The following DNAH3 variants were observed in gnomAD, a reference collection of about 807,000 sequenced individuals.
DNAH3 encodes dynein axonemal heavy chain 3.
A neutral mutation model predicts 432.5 loss-of-function variants in DNAH3; 332 were observed. That is an observed-to-expected ratio of 0.77 (90% CI 0.70 to 0.84). The LOEUF (loss-of-function observed/expected upper bound fraction) is 0.84. DNAH3 is among the 40% of genes least tolerant of loss of function. The pLI, the probability that DNAH3 is intolerant of heterozygous loss-of-function variation, is 0.00. For missense variants in DNAH3, 4,861 were observed against 5,114.0 expected (o/e 0.95, Z 1.51); for synonymous variants, 1,956 against 1,900.2 (o/e 1.03, Z -0.76).
At chr16:20,970,841 G>C (rs2085305659) in intron 51 of DNAH3, among the ~76,000 whole-genome samples, 1 of 150,058 alleles carries the variant, frequency 6.7e-6, no homozygotes, top group East Asian at 2.0e-4. Context: ...TCCCAGTATG[G>C]ATTTCTTTTC....
In DNAH3 at chr16:20,974,609, CAG is replaced by C. The variant is rs1413468559; in HGVS notation, c.8259+622_8259+623del. 5.6e-5 allele frequency among the ~76,000 whole-genome samples: 5 copies of C among 88,702 alleles called. No homozygotes were observed. The East Asian group carries it at 2.2e-3, about 38-fold the overall frequency. The allele number at this position is 88,702 out of a possible 152,430, so 58.2% of individuals were successfully genotyped here. A position where few individuals can be genotyped will look rare whatever the true frequency, so the allele number is the denominator to read the frequency against. ...TTTTTTTTTTTTTTTTTTGTAGAGACAGAATCTTGCTACGTTTCCCAGGCTGG... is the reference window on the plus strand; with the variant it reads ...TTTTTTTTTTTTTTTTTTGTAGAGACAATCTTGCTACGTTTCCCAGGCTGG... On this transcript the variant is annotated intron_variant, in intron 51 of 61. Coordinates refer to ENST00000261383, the Ensembl canonical transcript of DNAH3.
chr16:21,159,456 T>C (rs760883609), upstream of DNAH3: 104 of 1,611,320 alleles, frequency 6.5e-5, no homozygotes, highest in Non-Finnish European at 8.3e-5. Context: ...CAACCAGAGA[T>C]GTGACCCCTC....
intron 23 of DNAH3, among the ~76,000 whole-genome samples, chr16:21,067,776 G>GGAGGGAGAGGGAGAGAGAGAGAGA (rs374291201): frequency 2.4e-5 from 1 of 40,896 alleles, no homozygotes; most frequent in Non-Finnish European, 4.2e-5. Context: ...GGGTGGGGAG[G>GGAGGGAGAGGGAGAGAGAGAGAGA]GAGAGAGAGA....
intron 50 of DNAH3, among the ~76,000 whole-genome samples, chr16:20,975,770 A>T (rs951679932): frequency 3.9e-5 from 6 of 152,096 alleles, no homozygotes; most frequent in African/African-American, 1.4e-4. Flanking sequence ...TTTTTGACAG[A>T]GTCTCACTCT....
chr16:21,001,889 G>C (rs961991109), intron 42 of DNAH3, among the ~76,000 whole-genome samples: 1 of 152,104 alleles, frequency 6.6e-6, no homozygotes, highest in Non-Finnish European at 1.5e-5. Flanking sequence ...TTTGACAAGG[G>C]AAAAATCTCC....
At chr16:21,157,691 G>T (rs186642679) in intron 1 of DNAH3, among the ~76,000 whole-genome samples, 1 of 152,278 alleles carries the variant, frequency 6.6e-6, no homozygotes, top group East Asian at 1.9e-4. Context: ...AAGAGGAGAG[G>T]TCGGTCAACA....
At chr16:21,148,132 G>A (rs1472887935) in intron 1 of DNAH3, among the ~76,000 whole-genome samples, 1 of 152,138 alleles carries the variant, frequency 6.6e-6, no homozygotes, top group Non-Finnish European at 1.5e-5. Flanking sequence ...GGATGGGGCA[G>A]GGGGCATATG....
chr16:21,074,810 T>C (rs1469877284), intron 21 of DNAH3, among the ~76,000 whole-genome samples: 1 of 152,094 alleles, frequency 6.6e-6, no homozygotes, highest in Non-Finnish European at 1.5e-5. Context: ...GCAACCCTCA[T>C]CCCTACCTCA....
At chr16:21,048,673 G>C (rs1480630906) in intron 31 of DNAH3, among the ~76,000 whole-genome samples, 1 of 151,520 alleles carries the variant, frequency 6.6e-6, no homozygotes, top group African/African-American at 2.4e-5. Flanking sequence ...GACCGGAGCT[G>C]TTCCTATTCG....
At chr16:20,985,838 A>C in intron 47 of DNAH3, 123 bp from the exon 48 acceptor site, 1 of 965,496 alleles carries the variant, frequency 1.0e-6, no homozygotes, top group Non-Finnish European at 1.6e-6. Context: ...CTTCAAGGTC[A>C]TGGGTCATCA....
intron 43 of DNAH3, among the ~76,000 whole-genome samples, chr16:20,998,224 C>A (rs2086848471): frequency 6.6e-6 from 1 of 152,062 alleles, no homozygotes; most frequent in South Asian, 2.1e-4. Flanking sequence ...GATGATGAGA[C>A]CCTAGGCCTT....
intron 31 of DNAH3, among the ~76,000 whole-genome samples, chr16:21,045,944 T>C (rs1275362785): frequency 2.0e-5 from 3 of 149,752 alleles, no homozygotes; most frequent in Non-Finnish European, 3.0e-5. Flanking sequence ...CCAGTAGTCA[T>C]TCAGGAGCAG....
chr16:21,002,439 GTGT>G lies in DNAH3; in HGVS notation c.6126+662_6126+664del, dbSNP rs1197835817. 4.3e-3 allele frequency among the ~76,000 whole-genome samples: 473 copies of G among 109,510 alleles called. 2 individuals are homozygous for G. The highest frequency in any genetic ancestry group is 0.017 in the African/African-American group (450 of 26,440). The allele number at this position is 109,510 out of a possible 152,430, so 71.8% of individuals were successfully genotyped here. ...TGAGAAGCACACTGATGACTATCTG[GTGT>G]TGTTATTATTATTATTATTATTATT... On this transcript the variant is annotated intron_variant, in intron 42 of 61. Coordinates refer to ENST00000261383, the Ensembl canonical transcript of DNAH3.
In DNAH3 at chr16:21,047,711, G is replaced by T. The variant is rs529935048; in HGVS notation, c.4461+1858C>A. 5.9e-5 allele frequency among the ~76,000 whole-genome samples: 9 copies of T among 152,220 alleles called. No homozygotes were observed. The South Asian group carries it at 1.7e-3, about 28-fold the overall frequency. On this transcript the variant is annotated intron_variant, in intron 31 of 61. Transcript: ENST00000261383. Reference sequence around the variant, plus strand: ...ATTCTCCATCCAGCTTTGTTCCGTTGCTGGTGAGGAACTGCGTTCCTTTGG... The same window carrying T: ...ATTCTCCATCCAGCTTTGTTCCGTTTCTGGTGAGGAACTGCGTTCCTTTGG...
rs146978324 is a variant in DNAH3 at position 21,145,202 on chromosome 16, C to T, written c.427G>A (p.Gly143Ser). Reference sequence around the variant, plus strand: ...GTACCTGATGATGGCAGCCCCTGACCGGTCCTGTCCCTAGGGACACTGATG... The same window carrying T: ...GTACCTGATGATGGCAGCCCCTGACTGGTCCTGTCCCTAGGGACACTGATG... The change falls in exon 3 of 62, where the codon GGT (glycine) becomes AGT (serine). Residue 143 changes from glycine (G) to serine (S), a missense_variant. By Grantham distance (56) the Gly-to-Ser change is moderately conservative (BLOSUM62 0). Coordinates refer to ENST00000261383, the Ensembl canonical transcript of DNAH3. The T allele has an allele frequency of 3.3e-5, 53 of 1,612,316 alleles. No homozygotes were observed. The highest frequency in any genetic ancestry group is 1.7e-4 in the Middle Eastern group (1 of 6,050).
intron 57 of DNAH3, among the ~76,000 whole-genome samples, chr16:20,946,560 C>T (rs768698185): frequency 2.1e-4 from 32 of 152,112 alleles, no homozygotes; most frequent in Non-Finnish European, 4.3e-4. Context: ...GAAAGAGACT[C>T]TTTTCATCCA....
intron 58 of DNAH3, among the ~76,000 whole-genome samples, chr16:20,942,362 C>T (rs772563745): frequency 2.0e-5 from 3 of 152,084 alleles, no homozygotes; most frequent in Non-Finnish European, 4.4e-5. Context: ...GGACAGGCCT[C>T]GAGGCTCAAG....
intron 58 of DNAH3, among the ~76,000 whole-genome samples, chr16:20,944,104 G>A (rs1353759381): frequency 6.6e-6 from 1 of 151,670 alleles, no homozygotes; most frequent in Non-Finnish European, 1.5e-5. Flanking sequence ...TTATGGAAAT[G>A]ATACTGGGTT....
intron 37 of DNAH3, among the ~76,000 whole-genome samples, chr16:21,029,831 C>A (rs1265202205): frequency 6.6e-6 from 1 of 152,124 alleles, no homozygotes; most frequent in South Asian, 2.1e-4. Context: ...CATATGCCCC[C>A]ACTTTTTTTT....
Sources: allele counts gnomAD v4.1 joint callset (sites outside exome capture counted in the v4.1 genomes callset), GRCh38; gene constraint gnomAD v4.1.1; transcripts MANE v1.5; gene names NCBI Gene and HGNC (gene_info 2026-07-23, HGNC 2026-07-21).